LARGE1: variants seen among roughly 807,000 people sequenced by gnomAD.
LARGE1 encodes the protein xylosyl- and glucuronyltransferase LARGE1.
Under a neutral mutation model 87.6 loss-of-function variants are expected in LARGE1, and 43 were observed. The observed-to-expected ratio is 0.49, with a 90% confidence interval of 0.38 to 0.63. The LOEUF is 0.63. Ranked by LOEUF, LARGE1 falls within the 30% of genes least tolerant of loss-of-function variation. The probability of loss-of-function intolerance (pLI) is 0.00; values close to 1 mark genes in which losing one functional copy is unlikely to be tolerated. For synonymous variants in LARGE1, 434 were observed against 394.6 expected, an observed-to-expected ratio of 1.10 and a Z score of -1.18; for missense variants, 802 against 1,000.2, an observed-to-expected ratio of 0.80 and a Z score of 2.67.
the LARGE1 span, among the ~76,000 whole-genome samples, chr22:33,149,031 T>TC: frequency 6.6e-6 from 1 of 150,516 alleles, no homozygotes; most frequent in Admixed American, 6.7e-5. Context: ...ATTTTTGTTT[T>TC]CTTTTTTTCT....
chr22:33,608,112 C>A (rs5999031), intron 4 of LARGE1, among the ~76,000 whole-genome samples: 1 of 152,108 alleles, frequency 6.6e-6, no homozygotes, highest in African/African-American at 2.4e-5. Flanking sequence ...AGTGTTTCCA[C>A]GACTGTCTCC....
intron 6 of LARGE1, among the ~76,000 whole-genome samples, chr22:33,459,441 C>G (rs930016473): frequency 7.0e-5 from 9 of 128,354 alleles, no homozygotes; most frequent in African/African-American, 2.7e-4. Flanking sequence ...CGCTCTCTCT[C>G]TTTTTTTTTT....
intron 10 of LARGE1, among the ~76,000 whole-genome samples, chr22:33,324,730 G>A (rs549072600): frequency 3.3e-5 from 5 of 152,306 alleles, no homozygotes; most frequent in African/African-American, 1.2e-4. Flanking sequence ...TGGCCTTAGA[G>A]ACTTCTGTTC....
intron 11 of LARGE1, among the ~76,000 whole-genome samples, chr22:33,259,021 G>A (rs916369093): frequency 2.0e-5 from 3 of 151,982 alleles, no homozygotes; most frequent in Non-Finnish European, 4.4e-5. Flanking sequence ...GGGATTATGG[G>A]CGCCCGCCAC....
intron 9 of LARGE1, among the ~76,000 whole-genome samples, chr22:33,346,846 C>T (rs1939823860): frequency 6.6e-6 from 1 of 152,200 alleles, no homozygotes; most frequent in South Asian, 2.1e-4. Flanking sequence ...TCCCAGACTA[C>T]CTTGCAGCCA....
the LARGE1 span, among the ~76,000 whole-genome samples, chr22:33,075,285 G>A: frequency 6.6e-6 from 1 of 152,098 alleles, no homozygotes; most frequent in East Asian, 1.9e-4. Flanking sequence ...TCCAAATACC[G>A]TGGTCTTCTA....
the LARGE1 span, among the ~76,000 whole-genome samples, chr22:33,153,168 T>G: frequency 0.08 from 12,165 of 152,206 alleles, 569 homozygotes; most frequent in Middle Eastern, 0.14. Context: ...ACTTTTAAAT[T>G]TTTTCATTTA....
At chr22:33,510,949 T>G (rs1282534745) in intron 6 of LARGE1, among the ~76,000 whole-genome samples, 3 of 152,186 alleles carry the variant, frequency 2.0e-5, no homozygotes, top group Non-Finnish European at 4.4e-5. Context: ...GACTGGCAAA[T>G]GGTCCCTGTT....
intron 10 of LARGE1, among the ~76,000 whole-genome samples, chr22:33,325,425 G>C (rs987052897): frequency 2.6e-5 from 4 of 152,224 alleles, no homozygotes; most frequent in Non-Finnish European, 5.9e-5. Context: ...TCTTTTCTTG[G>C]CTGACAGCCA....
intron 6 of LARGE1, among the ~76,000 whole-genome samples, chr22:33,536,662 GACACGTACACCGTCCTT>G (rs1386789790): frequency 6.6e-6 from 1 of 152,204 alleles, no homozygotes; most frequent in African/African-American, 2.4e-5. Flanking sequence ...CATGTTTCAG[GACACGTACACCGTCCTT>G]ACCAGAAGGA....
intron 10 of LARGE1, among the ~76,000 whole-genome samples, chr22:33,324,481 G>A (rs1426976926): frequency 6.6e-6 from 1 of 152,006 alleles, no homozygotes; most frequent in Non-Finnish European, 1.5e-5. Context: ...TGACAAGGGA[G>A]GCACAGAAAC....
At chr22:33,462,548 C>T (rs1201968059) in intron 6 of LARGE1, among the ~76,000 whole-genome samples, 3 of 152,208 alleles carry the variant, frequency 2.0e-5, no homozygotes, top group East Asian at 1.9e-4. Flanking sequence ...TTAGGGAGGC[C>T]GAGGTGGGTG....
intron 6 of LARGE1, among the ~76,000 whole-genome samples, chr22:33,544,721 CT>C (rs2077307521): frequency 8.9e-6 from 1 of 111,982 alleles, no homozygotes; most frequent in South Asian, 2.8e-4. Context: ...CAACGAGTAC[CT>C]TTCCCAACAG....
intron 6 of LARGE1, among the ~76,000 whole-genome samples, chr22:33,473,583 G>C (rs1698198483): frequency 1.3e-5 from 2 of 152,098 alleles, no homozygotes; most frequent in Non-Finnish European, 2.9e-5. Context: ...TTGAACTCCT[G>C]ACCTCGTGAT....
At chr22:33,256,994 T>C (rs1314036847) in intron 11 of LARGE1, among the ~76,000 whole-genome samples, 2 of 151,888 alleles carry the variant, frequency 1.3e-5, no homozygotes, top group South Asian at 2.1e-4. Context: ...TCACCTGAGA[T>C]TGGGAGTTCG....
the LARGE1 span, among the ~76,000 whole-genome samples, chr22:33,147,118 T>C: frequency 0.026 from 3,993 of 152,312 alleles, 178 homozygotes; most frequent in African/African-American, 0.091. Context: ...TTTAATTGTA[T>C]GACTATACCA....
chr22:33,439,976 C>T (rs2067410118), intron 6 of LARGE1, among the ~76,000 whole-genome samples: 1 of 152,122 alleles, frequency 6.6e-6, no homozygotes, highest in African/African-American at 2.4e-5. Flanking sequence ...CAAATTCATC[C>T]CTTCCCTTGC....
intron 3 of LARGE1, among the ~76,000 whole-genome samples, chr22:33,638,127 C>A (rs1486609388): frequency 1.3e-5 from 2 of 152,160 alleles, no homozygotes; most frequent in Non-Finnish European, 2.9e-5. Context: ...ATGATAGTAT[C>A]CTCCAACAGC....
At chr22:33,591,321 G>A (rs2148919296) in intron 5 of LARGE1, among the ~76,000 whole-genome samples, 1 of 152,330 alleles carries the variant, frequency 6.6e-6, no homozygotes, top group South Asian at 2.1e-4. Context: ...TGTATTGTGA[G>A]TCCTTTTAAT....
Sources: gnomAD v4.1 joint callset for allele counts (sites outside exome capture counted in the v4.1 genomes callset) on GRCh38, gnomAD v4.1.1 for gene constraint, MANE v1.5 for transcripts, NCBI Gene and HGNC (gene_info 2026-07-23, HGNC 2026-07-21) for gene names.